IMMP2L: variants seen among roughly 807,000 people sequenced by gnomAD.
The protein encoded by IMMP2L is mitochondrial inner membrane protease subunit 2.
A neutral mutation model predicts 19.3 loss-of-function variants in IMMP2L; 18 were observed. The observed-to-expected ratio is 0.93, with a 90% CI of 0.64 to 1.38. IMMP2L has a LOEUF of 1.38. Ranked by LOEUF, IMMP2L falls within the 40% of genes most tolerant of loss-of-function variation. The probability of loss-of-function intolerance (pLI) is 0.00; values close to 1 mark genes in which losing one functional copy is unlikely to be tolerated. For synonymous variants in IMMP2L, 76 were observed against 73.0 expected, an observed-to-expected ratio of 1.04 and a Z score of -0.21; for missense variants, 233 against 218.2, an observed-to-expected ratio of 1.07 and a Z score of -0.43.
intron 5 of IMMP2L, among the ~76,000 whole-genome samples, chr7:110,807,197 C>G (rs16873230): frequency 0.88 from 133,513 of 152,028 alleles, 58,818 homozygotes; most frequent in East Asian, 0.98. Flanking sequence ...CTCCTCTATG[C>G]GAAGCTTTAT....
intron 3 of IMMP2L, among the ~76,000 whole-genome samples, chr7:111,036,149 GAACT>G (rs1791327698): frequency 1.3e-5 from 2 of 152,026 alleles, no homozygotes; most frequent in African/African-American, 4.8e-5. Flanking sequence ...TAAAAACTTA[GAACT>G]AACATAAGAA....
chr7:111,345,926 T>C (rs1827493734), intron 3 of IMMP2L, among the ~76,000 whole-genome samples: 1 of 152,190 alleles, frequency 6.6e-6, no homozygotes, highest in African/African-American at 2.4e-5. Flanking sequence ...CTTCCACATC[T>C]CCACAAATAC....
At chr7:110,696,330 G>A (rs1043747294) in intron 5 of IMMP2L, among the ~76,000 whole-genome samples, 2 of 151,174 alleles carry the variant, frequency 1.3e-5, no homozygotes, top group African/African-American at 2.4e-5. Flanking sequence ...TGTGTAAGAA[G>A]AAAAATGGAC....
intron 2 of IMMP2L, among the ~76,000 whole-genome samples, chr7:111,504,176 A>G (rs1241562759): frequency 6.6e-6 from 1 of 152,126 alleles, no homozygotes; most frequent in Admixed American, 6.5e-5. Flanking sequence ...ATACACCAAT[A>G]ACAGACAAAC....
intron 5 of IMMP2L, chr7:110,724,230 T>C (rs1190595511): frequency 6.6e-6 from 1 of 152,156 alleles, no homozygotes; most frequent in East Asian, 1.9e-4. Flanking sequence ...GTGATCACCA[T>C]TTATCTGGTT....
chr7:111,492,390 T>C lies in IMMP2L; in HGVS notation c.136-5049A>G, dbSNP rs995687615. 4 of 984,298 alleles carry C rather than the reference T, an allele frequency of 4.1e-6. No individual in the cohort carries two copies. The African/African-American group carries it at 7.0e-5, about 17-fold the overall frequency. The allele number at this position is 984,298 out of a possible 1,614,324, so 61.0% of individuals were successfully genotyped here. Reference sequence around the variant, plus strand: ...TAGAAGACTCATAAGTCAGGTCCAGTTTCTAACCCGCTCTTTGGATGCCTC... The same window carrying C: ...TAGAAGACTCATAAGTCAGGTCCAGCTTCTAACCCGCTCTTTGGATGCCTC... On this transcript the variant is annotated intron_variant, in intron 2 of 5. Transcript: ENST00000405709.
At chr7:110,823,727 T>C (rs1803229722) in intron 5 of IMMP2L, among the ~76,000 whole-genome samples, 1 of 152,044 alleles carries the variant, frequency 6.6e-6, no homozygotes, top group Admixed American at 6.6e-5. Flanking sequence ...AGAGCAAAAT[T>C]AAAGGTGAAA....
chr7:110,958,776 T>G (rs188412466), intron 4 of IMMP2L, among the ~76,000 whole-genome samples: 2 of 152,118 alleles, frequency 1.3e-5, no homozygotes, highest in East Asian at 3.9e-4. Context: ...CAAAGGGTGA[T>G]ACTCAGATTT....
intron 3 of IMMP2L, among the ~76,000 whole-genome samples, chr7:111,196,746 C>A (rs1240520137): frequency 1.3e-5 from 2 of 152,090 alleles, no homozygotes; most frequent in Admixed American, 1.3e-4. Flanking sequence ...ATGGTTCCTT[C>A]AAAATTTTTC....
At chr7:110,735,073 G>T (rs540451681) in intron 5 of IMMP2L, among the ~76,000 whole-genome samples, 1 of 152,086 alleles carries the variant, frequency 6.6e-6, no homozygotes, top group Non-Finnish European at 1.5e-5. Flanking sequence ...TAGCCAGCTC[G>T]GGAATAATAA....
intron 3 of IMMP2L, among the ~76,000 whole-genome samples, chr7:111,437,463 T>C (rs1290960958): frequency 1.3e-5 from 2 of 151,734 alleles, no homozygotes; most frequent in Non-Finnish European, 2.9e-5. Flanking sequence ...AATAAATTAA[T>C]GCATCCCACT....
rs144380166 is a variant in IMMP2L, at chr7:111,532,379, C to G, written c.-2-10930G>C. The G allele has an allele frequency of 5.9e-5, 9 of 152,176 alleles. No homozygotes were observed. In the East Asian group the frequency reaches 1.7e-3, roughly 29 times the overall value. 9.4% of individuals were successfully genotyped at this position (152,176 alleles called of 1,614,324 possible). A position where few individuals can be genotyped will look rare whatever the true frequency, so the allele number is the denominator to read the frequency against. ...CTCAACAATAAGCGGAATTGAAAAACTTTTTTAAAGAACATGGTTTCTGGG... is the reference window on the plus strand; with the variant it reads ...CTCAACAATAAGCGGAATTGAAAAAGTTTTTTAAAGAACATGGTTTCTGGG... On this transcript the variant is annotated intron_variant, in intron 1 of 5. Coordinates refer to ENST00000405709, the MANE Select transcript of IMMP2L (RefSeq NM_032549.4).
At chr7:111,387,542 T>A (rs369840227) in intron 3 of IMMP2L, among the ~76,000 whole-genome samples, 1 of 152,172 alleles carries the variant, frequency 6.6e-6, no homozygotes, top group South Asian at 2.1e-4. Flanking sequence ...CTTAACAATA[T>A]AGATGGTTTC....
At chr7:110,845,717 A>G (rs1421178688) in intron 5 of IMMP2L, among the ~76,000 whole-genome samples, 1 of 152,080 alleles carries the variant, frequency 6.6e-6, no homozygotes, top group Non-Finnish European at 1.5e-5. Flanking sequence ...TAACTTCACG[A>G]TTCCACATTG....
intron 3 of IMMP2L, among the ~76,000 whole-genome samples, chr7:111,437,869 C>A (rs1761438197): frequency 6.6e-6 from 1 of 151,824 alleles, no homozygotes; most frequent in African/African-American, 2.4e-5. Flanking sequence ...ACCTGCAGAA[C>A]TGAATATGGT....
intron 3 of IMMP2L, among the ~76,000 whole-genome samples, chr7:111,471,183 A>T (rs140468487): frequency 6.6e-6 from 1 of 152,172 alleles, no homozygotes; most frequent in African/African-American, 2.4e-5. Flanking sequence ...ATTGAAGAGG[A>T]CTCACAGATA....
chr7:111,544,385 T>TA (rs1265243624), intron 1 of IMMP2L, among the ~76,000 whole-genome samples: 2 of 151,950 alleles, frequency 1.3e-5, no homozygotes, highest in Non-Finnish European at 2.9e-5. Context: ...CCCTAGAACT[T>TA]AAAGTATAAT....
intron 3 of IMMP2L, among the ~76,000 whole-genome samples, chr7:110,991,408 G>T (rs1822441165): frequency 6.6e-6 from 1 of 152,086 alleles, no homozygotes; most frequent in Admixed American, 6.6e-5. Context: ...TCATCATAAT[G>T]AATATTTTAC....
chr7:111,211,713 G>A (rs1811328548), intron 3 of IMMP2L, among the ~76,000 whole-genome samples: 2 of 152,300 alleles, frequency 1.3e-5, no homozygotes, highest in African/African-American at 4.8e-5. Context: ...CTTCAGATTA[G>A]AAGACGGAAA....
Sources: gnomAD v4.1 joint callset for allele counts (sites outside exome capture counted in the v4.1 genomes callset) on GRCh38, gnomAD v4.1.1 for gene constraint, MANE v1.5 for transcripts, NCBI Gene and HGNC (gene_info 2026-07-23, HGNC 2026-07-21) for gene names.